Variants in MDGA2 observed in about 807,000 individuals in gnomAD.
MDGA2 encodes MAM domain containing glycosylphosphatidylinositol anchor 2.
MDGA2 carries 40 observed loss-of-function variants against 117.8 expected under a neutral mutation model. That is an observed-to-expected ratio of 0.34 (90% confidence interval 0.26 to 0.44). The LOEUF (loss-of-function observed/expected upper bound fraction) is 0.44. Ranked by LOEUF, MDGA2 falls within the 20% of genes least tolerant of loss-of-function variation. The pLI is 1.00. For synonymous variants in MDGA2, 452 were observed against 439.0 expected (o/e 1.03, Z -0.37); for missense variants, 1,123 against 1,250.6 (o/e 0.90, Z 1.54).
chr14:47,605,633 T>C (rs1180905855), intron 1 of MDGA2, among the ~76,000 whole-genome samples: 1 of 151,942 alleles, frequency 6.6e-6, no homozygotes, highest in African/African-American at 2.4e-5. Context: ...ATAAGCTTTA[T>C]AATGGTTACA....
chr14:47,214,813 ACC>A lies in MDGA2; in HGVS notation c.595+3206_595+3207del, dbSNP rs573569207. Among the ~76,000 whole-genome samples the A allele has an allele frequency of 9.2e-5, 14 of 152,208 alleles. No homozygotes were observed. In the South Asian group the frequency reaches 2.5e-3, roughly 27 times the overall value. Reference sequence around the variant, plus strand: ...TAGAACGTGGGATTTGCTGAGAGGTACCCATTTTCACTATTATAAAAGCTCTC... The same window carrying A: ...TAGAACGTGGGATTTGCTGAGAGGTACATTTTCACTATTATAAAAGCTCTC... On this transcript the variant is annotated intron_variant, in intron 3 of 16. Transcript: ENST00000399232.
At chr14:47,059,020 G>A (rs760037974) in intron 7 of MDGA2, 51 of 1,001,064 alleles carry the variant, frequency 5.1e-5, no homozygotes, top group Non-Finnish European at 5.8e-5. Context: ...AAAACATTAA[G>A]TCACTATAAA....
intron 1 of MDGA2, among the ~76,000 whole-genome samples, chr14:47,661,743 T>G (rs1360578865): frequency 4.1e-5 from 5 of 121,922 alleles, no homozygotes; most frequent in Non-Finnish European, 6.7e-5. Flanking sequence ...GTAATCAGAG[T>G]TTCTTTTTTT....
intron 5 of MDGA2, among the ~76,000 whole-genome samples, chr14:47,130,167 C>T (rs915007571): frequency 6.6e-6 from 1 of 151,966 alleles, no homozygotes; most frequent in African/African-American, 2.4e-5. Context: ...AGTCCTTGCC[C>T]ATGCCTATGT....
At chr14:47,588,932 C>T (rs1279941846) in intron 1 of MDGA2, among the ~76,000 whole-genome samples, 1 of 151,934 alleles carries the variant, frequency 6.6e-6, no homozygotes, top group Non-Finnish European at 1.5e-5. Flanking sequence ...CTAGAGGCTG[C>T]ATGTATTGGC....
chr14:46,930,714 C>T (rs934135076), intron 9 of MDGA2, among the ~76,000 whole-genome samples: 6 of 152,044 alleles, frequency 3.9e-5, no homozygotes, highest in African/African-American at 1.2e-4. Context: ...TTTGATAAAG[C>T]GACTGCTGTT....
chr14:47,084,526 A>C (rs1890826222), intron 6 of MDGA2, among the ~76,000 whole-genome samples: 1 of 151,322 alleles, frequency 6.6e-6, no homozygotes, highest in Non-Finnish European at 1.5e-5. Context: ...TGACATGCTG[A>C]GTAATAAAGT....
intron 1 of MDGA2, among the ~76,000 whole-genome samples, chr14:47,353,687 A>G (rs554657498): frequency 1.3e-5 from 2 of 152,200 alleles, no homozygotes; most frequent in African/African-American, 2.4e-5. Flanking sequence ...GCAACAAAGA[A>G]AAGTCCAGAA....
intron 9 of MDGA2, among the ~76,000 whole-genome samples, chr14:46,934,873 G>A (rs987638196): frequency 1.3e-5 from 2 of 152,064 alleles, no homozygotes; most frequent in African/African-American, 4.8e-5. Flanking sequence ...GGTGAGGAAA[G>A]CACAAGGTCA....
chr14:47,605,379 C>T (rs1014320259), intron 1 of MDGA2, among the ~76,000 whole-genome samples: 3 of 152,150 alleles, frequency 2.0e-5, no homozygotes, highest in Non-Finnish European at 4.4e-5. Flanking sequence ...ATTATAGCTA[C>T]AAGGACTTTA....
chr14:47,228,155 T>G (rs937009464), intron 2 of MDGA2, among the ~76,000 whole-genome samples: 2 of 152,144 alleles, frequency 1.3e-5, no homozygotes, highest in African/African-American at 4.8e-5. Flanking sequence ...ATACTAGTAT[T>G]TATCTTAGTT....
chr14:47,114,638 T>C (rs1349126463), intron 5 of MDGA2, among the ~76,000 whole-genome samples: 3 of 152,110 alleles, frequency 2.0e-5, no homozygotes, highest in Non-Finnish European at 2.9e-5. Flanking sequence ...CCATCTGATC[T>C]TCGACAAACC....
At chr14:46,922,689 C>CT (rs1383887845) in intron 9 of MDGA2, among the ~76,000 whole-genome samples, 2 of 152,146 alleles carry the variant, frequency 1.3e-5, no homozygotes, top group African/African-American at 2.4e-5. Context: ...ATTTGGAATG[C>CT]TTTAAAGAGG....
intron 1 of MDGA2, among the ~76,000 whole-genome samples, chr14:47,442,955 T>C (rs1380071328): frequency 6.6e-6 from 1 of 152,118 alleles, no homozygotes; most frequent in Non-Finnish European, 1.5e-5. Flanking sequence ...CACTTAACCA[T>C]CTCAGTTATC....
intron 2 of MDGA2, among the ~76,000 whole-genome samples, chr14:47,300,707 C>T (rs1450275415): frequency 6.6e-6 from 1 of 151,626 alleles, no homozygotes; most frequent in Non-Finnish European, 1.5e-5. Context: ...TTTTGTTGCC[C>T]AGGCTGGTCG....
chr14:47,058,953 T>C (rs1889780546), intron 7 of MDGA2: 1 of 972,664 alleles, frequency 1.0e-6, no homozygotes, highest in South Asian at 4.6e-5. Context: ...GGGGCATGCA[T>C]TTTTATTTTC....
chr14:47,352,273 T>G (rs759851280), intron 1 of MDGA2, among the ~76,000 whole-genome samples: 1 of 152,172 alleles, frequency 6.6e-6, no homozygotes, highest in Non-Finnish European at 1.5e-5. Flanking sequence ...CTCAGCATAA[T>G]TCTTCATGAA....
At position 47,301,507 on chromosome 14, in the gene MDGA2, G is replaced by A; in HGVS notation, c.324C>T (p.Asn108=). 6.4e-7 allele frequency: 1 copy of A among 1,551,662 alleles called. No homozygotes were observed. Among genetic ancestry groups the A allele is most frequent in the African/African-American group, 1.4e-5 (1 of 73,146 alleles). Residue 108 remains asparagine (N), a synonymous_variant, in exon 2 of 17, where the codon AAC becomes AAT. Transcript: ENST00000399232. ...TTTCGGAGTAGCGCTCCTCTTCAAT[G>A]TTACAGGCCAAGCCTGAGTGCACAA... ...VRIVHSGLAC[N]IEEERYSERV...
At chr14:47,221,405 A>C (rs1886294296) in intron 2 of MDGA2, among the ~76,000 whole-genome samples, 1 of 152,142 alleles carries the variant, frequency 6.6e-6, no homozygotes, top group South Asian at 2.1e-4. Flanking sequence ...TGAGATAAAG[A>C]GGGCCGGGCA....
Sources: gnomAD v4.1 joint callset for allele counts (sites outside exome capture counted in the v4.1 genomes callset) on GRCh38, gnomAD v4.1.1 for gene constraint, MANE v1.5 for transcripts, NCBI Gene and HGNC (gene_info 2026-07-23, HGNC 2026-07-21) for gene names.